CRYBG3: variants seen among roughly 807,000 people sequenced by gnomAD.
CRYBG3 encodes the protein crystallin beta-gamma domain containing 3, also known as very large A-kinase anchor protein.
In CRYBG3, 127 loss-of-function variants were observed where a neutral mutation model predicts 244.2. The observed-to-expected ratio is 0.52, with a 90% CI of 0.45 to 0.60. The LOEUF (loss-of-function observed/expected upper bound fraction) is 0.60, where lower values mean the gene tolerates loss of function less well. Among genes scored for constraint, CRYBG3 ranks in the 20% least tolerant of loss-of-function variants. The pLI, the probability that CRYBG3 is intolerant of heterozygous loss-of-function variation, is 0.00. For synonymous variants in CRYBG3, 1,132 were observed against 1,195.8 expected, an observed-to-expected ratio of 0.95 and a Z score of 1.10; for missense variants, 3,325 against 3,442.5, an observed-to-expected ratio of 0.97 and a Z score of 0.85.
At chr3:97,879,588 A>C in intron 4 of CRYBG3, 116 bp from the exon 5 acceptor site, 1 of 668,950 alleles carries the variant, frequency 1.5e-6, no homozygotes, top group Non-Finnish European at 2.5e-6. Context: ...CACCTTGCTC[A>C]TAATGATCAC....
In CRYBG3 at chr3:97,872,175, C is replaced by T; in HGVS notation, c.981C>T (p.Ala327=). 1 of 1,535,530 alleles carries T rather than the reference C, an allele frequency of 6.5e-7. No homozygotes were observed. Among genetic ancestry groups the T allele is most frequent in the South Asian group, 1.2e-5 (1 of 84,048 alleles). The change falls in exon 4 of 22, where the codon GCC becomes GCT. Residue 327 remains alanine, a synonymous_variant. Coordinates refer to ENST00000389622, the MANE Select transcript of CRYBG3 (RefSeq NM_153605.4). ...ATAACCCAGAACTGCAGAATATTGC[C>T]TCTTCCAATAATCTTTTAAATAAAA... ...LTNNPELQNI[A]SSNNLLNKNA...
rs180967239 is a variant in CRYBG3 at position 97,835,435 on chromosome 3, A to G, written c.150-7760A>G. 7.2e-5 allele frequency among the ~76,000 whole-genome samples: 11 copies of G among 152,238 alleles called. No individual in the cohort carries two copies. The East Asian group carries it at 2.1e-3, about 30-fold the overall frequency. On this transcript the variant is annotated intron_variant, in intron 1 of 21. Coordinates refer to ENST00000389622, the MANE Select transcript of CRYBG3 (RefSeq NM_153605.4). ...GTTGGGCATGAGCAAGTCTGAGGAAAGAACTTTCTGGGCAGAAGGAACATT... is the reference window on the plus strand; with the variant it reads ...GTTGGGCATGAGCAAGTCTGAGGAAGGAACTTTCTGGGCAGAAGGAACATT...
At chr3:97,940,043 C>T (rs2040208958) in intron 19 of CRYBG3, among the ~76,000 whole-genome samples, 1 of 152,024 alleles carries the variant, frequency 6.6e-6, no homozygotes, top group South Asian at 2.1e-4. Flanking sequence ...TGAAAGTGCT[C>T]TCTTAAGAGA....
At chr3:97,937,009 C>T in intron 19 of CRYBG3, 101 bp downstream of exon 19, 2 of 1,332,452 alleles carry the variant, frequency 1.5e-6, no homozygotes, top group Non-Finnish European at 2.1e-6. Context: ...TTTAGTTTGC[C>T]ATTTACATAG....
At chr3:97,906,004 C>G (rs2039770036) in intron 15 of CRYBG3, among the ~76,000 whole-genome samples, 1 of 144,540 alleles carries the variant, frequency 6.9e-6, no homozygotes, top group Non-Finnish European at 1.5e-5. Flanking sequence ...AATAGGGAAT[C>G]CTTTCCCCAT....
At chr3:97,906,066 G>A (rs1403149332) in intron 15 of CRYBG3, among the ~76,000 whole-genome samples, 57 of 144,566 alleles carry the variant, frequency 3.9e-4, no homozygotes, top group East Asian at 3.1e-3. Flanking sequence ...GATATGCGGC[G>A]TTATTTCTGA....
chr3:97,843,680 A>G (rs2038855803), intron 2 of CRYBG3, among the ~76,000 whole-genome samples: 1 of 152,192 alleles, frequency 6.6e-6, no homozygotes, highest in South Asian at 2.1e-4. Flanking sequence ...CTGTTTCTAC[A>G]TATCATTGCT....
Position 97,864,577 on chromosome 3 carries a change from T to A in CRYBG3, c.577T>A (p.Ser193Thr). The part of the protein sequence containing the change: ...HPTEEQDSNS[S>T]ELSDAFSLDT... Reference sequence around the variant, plus strand: ...AACAGAAGAACAAGACTCTAACTCATCCGAACTCTCAGATGCTTTTTCTTT... The same window carrying A: ...AACAGAAGAACAAGACTCTAACTCAACCGAACTCTCAGATGCTTTTTCTTT... The change falls in exon 3 of 22, where the codon TCC becomes ACC. Residue 193 changes from serine to threonine, a missense_variant. By Grantham distance (58) the Ser-to-Thr change is moderately conservative. Around this residue, in one of 4 missense-constraint regions of CRYBG3, gnomAD observed 1,526 missense variants for 1,443.2 expected, o/e 1.06. Transcript: ENST00000389622. 6.5e-7 allele frequency: 1 copy of A among 1,535,826 alleles called. No individual in the cohort carries two copies. The highest frequency in any genetic ancestry group is 1.2e-5 in the South Asian group (1 of 84,050).
intron 10 of CRYBG3, among the ~76,000 whole-genome samples, chr3:97,890,669 TC>T (rs927569673): frequency 6.6e-6 from 1 of 152,186 alleles, no homozygotes; most frequent in Non-Finnish European, 1.5e-5. Context: ...ATATATTGTT[TC>T]CCTAATATTA....
rs538222856 is a variant in CRYBG3, at chr3:97,941,286, C to T, written c.8644C>T (p.Arg2882Ter). Residue 2882 changes from arginine to a stop codon, truncating the protein, a stop_gained, in exon 20 of 22, where the codon CGA (arginine) becomes TGA (stop). Coordinates refer to ENST00000389622, the MANE Select transcript of CRYBG3 (RefSeq NM_153605.4). LOFTEE classifies it high-confidence loss of function. ...GKNTQIWYYC[R>*]GLFKSKASDT... is the part of the protein sequence containing the mutation. ...GAATACTCAGATCTGGTACTACTGC[C>T]GAGGACTCTTTAAATCCAAGGTAAG... The T allele has an allele frequency of 2.5e-6, 4 of 1,608,620 alleles. No homozygotes were observed. The highest frequency in any genetic ancestry group is 1.3e-5 in the African/African-American group (1 of 74,684).
chr3:97,895,659 A>G (rs2039631676), intron 11 of CRYBG3, among the ~76,000 whole-genome samples: 1 of 152,184 alleles, frequency 6.6e-6, no homozygotes, highest in South Asian at 2.1e-4. Flanking sequence ...TATTTACTTG[A>G]CACATTGTTC....
In CRYBG3 at chr3:97,892,976, T is replaced by G. The variant is rs1411332538; in HGVS notation, c.7557T>G (p.Ile2519Met). Residue 2519 changes from isoleucine (I) to methionine (M), a missense_variant, in exon 11 of 22, where the codon ATT becomes ATG. By Grantham distance (10) the Ile-to-Met change is conservative (BLOSUM62 1). Transcript: ENST00000389622. ...GAGATTTTCACAGAATTGGATCAAT[T>G]CGTGTCATTGGTGGAGTGTGAGTAT... ...NNGDFHRIGS[I>M]RVIGGVWVAY... 5 of 1,599,404 alleles carry G rather than the reference T, an allele frequency of 3.1e-6. No homozygotes were observed. Among genetic ancestry groups the G allele is most frequent in the Non-Finnish European group, 4.3e-6 (5 of 1,175,168 alleles).
intron 7 of CRYBG3, among the ~76,000 whole-genome samples, chr3:97,884,423 T>C (rs1280359649): frequency 6.6e-6 from 1 of 152,142 alleles, no homozygotes; most frequent in Non-Finnish European, 1.5e-5. Context: ...TGAGGTATCT[T>C]ATATAAGGTA....
chr3:97,900,145 C>T (rs941605963), intron 14 of CRYBG3, among the ~76,000 whole-genome samples: 3 of 117,896 alleles, frequency 2.5e-5, no homozygotes, highest in African/African-American at 5.2e-5. Context: ...CCTAGTAGTT[C>T]GACACCAGCC....
chr3:97,889,381 G>C lies in CRYBG3; in HGVS notation c.7431G>C (p.Met2477Ile). ...QMGGLKVEMP[M>I]NLKVIIYEKP... is the part of the protein sequence containing the mutation. ...GTGGACTGAAAGTGGAAATGCCCAT[G>C]AACTTAAAGGTAAGTCTTGGACTGA... is the stretch of plus-strand genomic sequence containing the variant. The change falls in exon 10 of 22, where the codon ATG becomes ATC. Residue 2477 changes from methionine to isoleucine, a missense_variant. Physicochemically the swap from Met to Ile is conservative, Grantham distance 10 (BLOSUM62 1). Transcript: ENST00000389622. The C allele has an allele frequency of 6.2e-7, 1 of 1,609,088 alleles. No homozygotes were observed. Among genetic ancestry groups the C allele is most frequent in the Non-Finnish European group, 8.5e-7 (1 of 1,175,656 alleles).
intron 2 of CRYBG3, among the ~76,000 whole-genome samples, chr3:97,858,702 A>G (rs576138773): frequency 5.3e-5 from 8 of 152,152 alleles, no homozygotes; most frequent in Admixed American, 3.9e-4. Context: ...TTTATCATTC[A>G]TATCATAAAT....
chr3:97,907,416 A>G (rs1251786934), intron 15 of CRYBG3, among the ~76,000 whole-genome samples: 1 of 151,724 alleles, frequency 6.6e-6, no homozygotes, highest in Non-Finnish European at 1.5e-5. Context: ...TATTGCCACA[A>G]TTTCAGATCC....
At position 97,872,438 on chromosome 3, in the gene CRYBG3, T is replaced by A; in HGVS notation, c.1244T>A (p.Met415Lys). 6.5e-7 allele frequency: 1 copy of A among 1,535,966 alleles called. No individual in the cohort carries two copies. The highest frequency in any genetic ancestry group is 8.7e-7 in the Non-Finnish European group (1 of 1,146,808). Residue 415 changes from methionine to lysine, a missense_variant, in exon 4 of 22, where the codon ATG becomes AAG. Coordinates refer to ENST00000389622, the MANE Select transcript of CRYBG3 (RefSeq NM_153605.4). ...ACGATAAAAGAAAACAGCACTGTGA[T>A]GAGTAATAGGACATTGGTGCAAAGA... ...ENTIKENSTV[M>K]SNRTLVQREE...
chr3:97,856,819 T>C (rs1428583257), intron 2 of CRYBG3, among the ~76,000 whole-genome samples: 5 of 152,252 alleles, frequency 3.3e-5, no homozygotes, highest in Admixed American at 2.6e-4. Context: ...GTCTGACTAA[T>C]GGTTTATTAA....
Sources: gnomAD v4.1 joint callset for allele counts (sites outside exome capture counted in the v4.1 genomes callset) on GRCh38, gnomAD v4.1.1 for gene constraint, gnomAD v4.1.1 regional missense constraint, MANE v1.5 for transcripts, NCBI Gene and HGNC (gene_info 2026-07-23, HGNC 2026-07-21) for gene names.